ZHX2: variants seen among roughly 807,000 people sequenced by gnomAD.
ZHX2 encodes zinc fingers and homeoboxes 2.
Under a neutral mutation model 21.9 loss-of-function variants are expected in ZHX2, and 6 were observed. The observed-to-expected ratio is 0.27, with a 90% confidence interval of 0.15 to 0.54. The LOEUF (loss-of-function observed/expected upper bound fraction) is 0.54. Among genes scored for constraint, ZHX2 ranks in the 20% least tolerant of loss-of-function variants. ZHX2 has a pLI of 0.95. For synonymous variants in ZHX2, 434 were observed against 437.1 expected, an observed-to-expected ratio of 0.99 and a Z score of 0.09; for missense variants, 908 against 1,090.7, an observed-to-expected ratio of 0.83 and a Z score of 2.36.
chr8:122,823,504 C>A (rs1292195699), intron 1 of ZHX2, among the ~76,000 whole-genome samples: 1 of 152,206 alleles, frequency 6.6e-6, no homozygotes, highest in East Asian at 1.9e-4. Context: ...TGATAAGACT[C>A]CTACATGAAA....
chr8:122,783,112 G>A (rs1169367388), intron 1 of ZHX2, among the ~76,000 whole-genome samples: 1 of 152,188 alleles, frequency 6.6e-6, no homozygotes, highest in East Asian at 1.9e-4. Flanking sequence ...AAAACTTGAT[G>A]AGGAAGCCAA....
At chr8:122,909,317 C>G (rs1258706553) in intron 2 of ZHX2, among the ~76,000 whole-genome samples, 1 of 152,016 alleles carries the variant, frequency 6.6e-6, no homozygotes, top group Middle Eastern at 3.4e-3. Flanking sequence ...CCTGTAGTCC[C>G]AGCTACTAAG....
chr8:122,785,100 T>C (rs1008955583), intron 1 of ZHX2, among the ~76,000 whole-genome samples: 2 of 152,176 alleles, frequency 1.3e-5, no homozygotes, highest in Non-Finnish European at 2.9e-5. Flanking sequence ...CTAACCACTG[T>C]GGAAGCACAA....
At chr8:122,806,603 C>T (rs1302494365) in intron 1 of ZHX2, among the ~76,000 whole-genome samples, 5 of 152,132 alleles carry the variant, frequency 3.3e-5, no homozygotes, top group Admixed American at 6.5e-5. Context: ...AAGCCAACAA[C>T]GGAAAGGGAA....
chr8:122,888,178 T>C (rs1819888499), intron 2 of ZHX2, among the ~76,000 whole-genome samples: 1 of 152,016 alleles, frequency 6.6e-6, no homozygotes, highest in African/African-American at 2.4e-5. Context: ...GAGCTGCCTC[T>C]GCCTCTGAAA....
At chr8:122,812,043 T>C (rs1439513719) in intron 1 of ZHX2, 1 of 152,208 alleles carries the variant, frequency 6.6e-6, no homozygotes, top group Non-Finnish European at 1.5e-5. Context: ...TCATAGACTA[T>C]GCTAGAAAGC....
At chr8:122,832,351 C>T (rs967218322) in intron 1 of ZHX2, among the ~76,000 whole-genome samples, 1 of 152,166 alleles carries the variant, frequency 6.6e-6, no homozygotes, top group African/African-American at 2.4e-5. Context: ...GTGAGGACAG[C>T]AGCTGCCGCC....
At chr8:122,958,410 C>G (rs1813360654) in intron 3 of ZHX2, among the ~76,000 whole-genome samples, 2 of 152,196 alleles carry the variant, frequency 1.3e-5, no homozygotes, top group South Asian at 4.1e-4. Context: ...TTGAGCAAGA[C>G]ATTGTCAGAC....
Position 122,939,662 on chromosome 8 carries a change from A to G in ZHX2, c.-219-11630A>G, listed in dbSNP as rs370627840. On this transcript the variant is annotated intron_variant, in intron 2 of 3. Transcript: ENST00000314393. The stretch of plus-strand genomic sequence containing the variant: ...GGTGAGCTGCATCTCAGCAAGATAC[A>G]GGGCAAAATCTACTAAAACAGAGAG... 2.0e-5 allele frequency among the ~76,000 whole-genome samples: 3 copies of G among 152,330 alleles called. No individual in the cohort carries two copies. In the East Asian group the frequency reaches 5.8e-4, roughly 29 times the overall value.
At chr8:122,846,738 C>A (rs1438766689) in intron 1 of ZHX2, among the ~76,000 whole-genome samples, 1 of 151,824 alleles carries the variant, frequency 6.6e-6, no homozygotes, top group Non-Finnish European at 1.5e-5. Flanking sequence ...AAAGTAATGG[C>A]AAAACTGCAA....
intron 2 of ZHX2, among the ~76,000 whole-genome samples, chr8:122,928,522 A>G (rs1427821051): frequency 6.6e-6 from 1 of 152,172 alleles, no homozygotes; most frequent in African/African-American, 2.4e-5. Flanking sequence ...ACCAGCATGG[A>G]TTATTACTGA....
At position 122,930,772 on chromosome 8, in the gene ZHX2, G is replaced by A. The variant is rs572009591; in HGVS notation, c.-219-20520G>A. ...CCCAAAGTGCTGGGAATACAGGTGTGAGCCACTGTGTTCAGCCTGAGAGAC... is the reference window on the plus strand; with the variant it reads ...CCCAAAGTGCTGGGAATACAGGTGTAAGCCACTGTGTTCAGCCTGAGAGAC... On this transcript the variant is annotated intron_variant, in intron 2 of 3. Transcript: ENST00000314393. Among the ~76,000 whole-genome samples the A allele has an allele frequency of 7.2e-5, 11 of 152,006 alleles. No homozygotes were observed. The South Asian group carries it at 1.0e-3, about 14-fold the overall frequency.
chr8:122,939,957 G>A (rs1216201819), intron 2 of ZHX2, among the ~76,000 whole-genome samples: 1 of 152,162 alleles, frequency 6.6e-6, no homozygotes, highest in Admixed American at 6.5e-5. Flanking sequence ...GTTATCCTGT[G>A]ATTAGTCCCA....
At chr8:122,847,421 GT>G (rs1283334418) in intron 1 of ZHX2, among the ~76,000 whole-genome samples, 1 of 152,098 alleles carries the variant, frequency 6.6e-6, no homozygotes. Flanking sequence ...TCTCCAACAG[GT>G]TTCTCCAATT....
chr8:122,932,557 G>T (rs911076563), intron 2 of ZHX2, among the ~76,000 whole-genome samples: 5 of 152,166 alleles, frequency 3.3e-5, no homozygotes. Flanking sequence ...TTGAACCCAG[G>T]AGGCGAAGGT....
chr8:122,797,941 G>A (rs1817643956), intron 1 of ZHX2, among the ~76,000 whole-genome samples: 1 of 152,168 alleles, frequency 6.6e-6, no homozygotes, highest in Non-Finnish European at 1.5e-5. Context: ...TCTCAGAACT[G>A]CACAGATTAA....
At chr8:122,948,138 G>A (rs893505691) in intron 2 of ZHX2, among the ~76,000 whole-genome samples, 16 of 152,130 alleles carry the variant, frequency 1.1e-4, no homozygotes, top group East Asian at 1.9e-4. Flanking sequence ...GTGTGTCACC[G>A]AGCCCCTAAG....
At chr8:122,944,848 G>T (rs1244526791) in intron 2 of ZHX2, among the ~76,000 whole-genome samples, 2 of 152,214 alleles carry the variant, frequency 1.3e-5, no homozygotes, top group South Asian at 4.1e-4. Context: ...CTCCGAATGT[G>T]ACTGTATTTG....
chr8:122,807,107 C>T (rs1441190725), intron 1 of ZHX2, among the ~76,000 whole-genome samples: 6 of 152,148 alleles, frequency 3.9e-5, no homozygotes, highest in Non-Finnish European at 8.8e-5. Context: ...TTTGCTGCAG[C>T]TGCTGCTGCT....
Sources: gnomAD v4.1 joint callset for allele counts (sites outside exome capture counted in the v4.1 genomes callset) on GRCh38, gnomAD v4.1.1 for gene constraint, MANE v1.5 for transcripts, NCBI Gene and HGNC (gene_info 2026-07-23, HGNC 2026-07-21) for gene names.